COBL: variants seen among roughly 807,000 people sequenced by gnomAD.
COBL encodes cordon-bleu WH2 repeat protein.
COBL carries 51 observed loss-of-function variants against 98.8 expected under a neutral mutation model. The ratio of observed to expected loss-of-function variants is 0.52; its 90% CI spans 0.41 to 0.65. COBL has a LOEUF of 0.65. Ranked by LOEUF, COBL falls within the 30% of genes least tolerant of loss-of-function variation. The pLI is 0.00. For missense variants in COBL, 1,617 were observed against 1,617.5 expected, an observed-to-expected ratio of 1.00 and a Z score of 0.01; for synonymous variants, 634 against 651.7, an observed-to-expected ratio of 0.97 and a Z score of 0.41.
rs749222241 is a variant in COBL, at chr7:51,219,707, G to A, written c.245+34C>T. On this transcript the variant is annotated intron_variant, in intron 2 of 12. Transcript: ENST00000265136. ...TCTCCCCGCTATACTCGCAAAGTGAGTACAGCGACTCCTCCTGCAGCACCG... is the reference window on the plus strand; with the variant it reads ...TCTCCCCGCTATACTCGCAAAGTGAATACAGCGACTCCTCCTGCAGCACCG... 12 of 1,602,852 alleles carry A rather than the reference G, an allele frequency of 7.5e-6. No individual in the cohort carries two copies. In the East Asian group the frequency reaches 2.7e-4, roughly 36 times the overall value.
At chr7:51,143,007 C>T (rs1289230532) in intron 5 of COBL, among the ~76,000 whole-genome samples, 2 of 152,160 alleles carry the variant, frequency 1.3e-5, no homozygotes, top group Middle Eastern at 3.4e-3. Flanking sequence ...GTGCAAACTT[C>T]ATCAGGGCAG....
rs753510175 is a variant in COBL, at chr7:51,059,396, TTGA to T, written c.1097-15707_1097-15705del. On this transcript the variant is annotated intron_variant, in intron 7 of 12. Transcript: ENST00000265136. ...CTGCGGTTTCCAAAAACCTAACCTA[TTGA>T]TGATGGTAAGTGAGGACTTACTGTA... is the stretch of plus-strand genomic sequence containing the variant. Among the ~76,000 whole-genome samples the T allele has an allele frequency of 4.6e-4, 70 of 152,182 alleles. 1 individual carries two copies. Among genetic ancestry groups the T allele is most frequent in the Non-Finnish European group, 9.0e-4 (61 of 68,034 alleles).
intron 1 of COBL, among the ~76,000 whole-genome samples, chr7:51,230,772 T>C (rs1794665970): frequency 6.6e-6 from 1 of 152,218 alleles, no homozygotes; most frequent in South Asian, 2.1e-4. Flanking sequence ...CAAGGCTATT[T>C]CCACCACACC....
chr7:51,279,971 T>G (rs904807959), intron 1 of COBL, among the ~76,000 whole-genome samples: 34 of 152,158 alleles, frequency 2.2e-4, no homozygotes, highest in African/African-American at 8.0e-4. Flanking sequence ...TTAAATAATA[T>G]TCCATTGCCT....
intron 5 of COBL, among the ~76,000 whole-genome samples, chr7:51,170,104 G>A (rs529812080): frequency 6.6e-6 from 1 of 152,172 alleles, no homozygotes; most frequent in South Asian, 2.1e-4. Flanking sequence ...TATATCTTCT[G>A]CTAGTATTTA....
chr7:51,156,877 T>G (rs1786200889), intron 5 of COBL, among the ~76,000 whole-genome samples: 1 of 152,178 alleles, frequency 6.6e-6, no homozygotes, highest in Non-Finnish European at 1.5e-5. Flanking sequence ...CAGGTGCCCC[T>G]AAGCTGGATT....
chr7:51,246,195 G>C (rs1216842455), intron 1 of COBL, among the ~76,000 whole-genome samples: 1 of 152,062 alleles, frequency 6.6e-6, no homozygotes, highest in African/African-American at 2.4e-5. Context: ...TTTCCTACTT[G>C]AAATAAAAAG....
chr7:51,213,901 G>C (rs2129080530), intron 2 of COBL, among the ~76,000 whole-genome samples: 1 of 152,190 alleles, frequency 6.6e-6, no homozygotes, highest in African/African-American at 2.4e-5. Context: ...GAATTTAGTG[G>C]GGGCGGGGGT....
At chr7:51,278,652 T>C (rs551437837) in intron 1 of COBL, among the ~76,000 whole-genome samples, 28 of 152,284 alleles carry the variant, frequency 1.8e-4, no homozygotes, top group African/African-American at 6.7e-4. Flanking sequence ...AGTGCTGGGA[T>C]TACAGGCGTG....
chr7:51,042,259 CATTA>C (rs924694476), intron 8 of COBL, among the ~76,000 whole-genome samples: 5 of 152,036 alleles, frequency 3.3e-5, no homozygotes, highest in African/African-American at 7.2e-5. Context: ...GAAAAGAAAA[CATTA>C]ATTAAGTTCA....
intron 6 of COBL, among the ~76,000 whole-genome samples, chr7:51,109,067 C>CT (rs1245128186): frequency 6.6e-6 from 1 of 152,184 alleles, no homozygotes; most frequent in Admixed American, 6.5e-5. Context: ...AGTGTGGCAC[C>CT]TGTGTGAATG....
At chr7:51,131,418 T>C (rs1042622819) in intron 6 of COBL, among the ~76,000 whole-genome samples, 2 of 152,200 alleles carry the variant, frequency 1.3e-5, no homozygotes, top group Non-Finnish European at 2.9e-5. Context: ...ACAAGTTACT[T>C]ATTTTTAATC....
At chr7:51,284,602 G>T (rs1008797675) in intron 1 of COBL, among the ~76,000 whole-genome samples, 24 of 152,064 alleles carry the variant, frequency 1.6e-4, no homozygotes, top group Non-Finnish European at 1.0e-4. Flanking sequence ...GCCGAGGCAG[G>T]TGGATCATGA....
At chr7:51,197,922 A>C (rs974152107) in intron 2 of COBL, among the ~76,000 whole-genome samples, 2 of 152,158 alleles carry the variant, frequency 1.3e-5, no homozygotes, top group African/African-American at 4.8e-5. Flanking sequence ...CATGTAAGAC[A>C]GGTTTCTTGA....
chr7:51,145,470 T>A (rs1784939525), intron 5 of COBL, among the ~76,000 whole-genome samples: 1 of 150,644 alleles, frequency 6.6e-6, no homozygotes. Flanking sequence ...AACCTCTACC[T>A]CCCGGGTTCA....
At chr7:51,219,125 C>G (rs1156633910) in intron 2 of COBL, among the ~76,000 whole-genome samples, 1 of 152,136 alleles carries the variant, frequency 6.6e-6, no homozygotes, top group African/African-American at 2.4e-5. Flanking sequence ...TCAGCCGCAC[C>G]TTTTGTGAGT....
chr7:51,226,558 CTAAG>C (rs910233187), intron 1 of COBL, among the ~76,000 whole-genome samples: 7 of 72,352 alleles, frequency 9.7e-5, no homozygotes, highest in South Asian at 6.0e-4. Flanking sequence ...AAGTGAGTGA[CTAAG>C]TGAGTGAGTA....
intron 1 of COBL, among the ~76,000 whole-genome samples, chr7:51,260,659 A>G (rs977243335): frequency 6.6e-6 from 1 of 152,226 alleles, no homozygotes; most frequent in Non-Finnish European, 1.5e-5. Flanking sequence ...GGATAAGGAC[A>G]TGTCTAGCAT....
rs779884255 is a variant in COBL at position 51,193,447 on chromosome 7, G to T, written c.388C>A (p.His130Asn). The change falls in exon 3 of 13, where the codon CAT becomes AAT. Residue 130 changes from histidine (H) to asparagine (N), a missense_variant. His to Asn is a moderately conservative substitution (Grantham distance 68, BLOSUM62 1). This residue lies in a region of COBL where 238 missense variants were observed against 215.0 expected (regional missense o/e 1.11). Transcript: ENST00000265136. ...ACTTTTTCTTTCAGAAACACAGTATGCACATTCAGGGTCCCAATCAAAGTA... is the reference window on the plus strand; with the variant it reads ...ACTTTTTCTTTCAGAAACACAGTATTCACATTCAGGGTCCCAATCAAAGTA... ...PNTLIGTLNV[H>N]TVFLKEKVPE... The T allele has an allele frequency of 6.2e-7, 1 of 1,614,190 alleles. No individual in the cohort carries two copies. Among genetic ancestry groups the T allele is most frequent in the South Asian group, 1.1e-5 (1 of 91,076 alleles).
Sources: gnomAD v4.1 joint callset for allele counts (sites outside exome capture counted in the v4.1 genomes callset) on GRCh38, gnomAD v4.1.1 for gene constraint, gnomAD v4.1.1 regional missense constraint, MANE v1.5 for transcripts, NCBI Gene and HGNC (gene_info 2026-07-23, HGNC 2026-07-21) for gene names.